Variants in SERPINI1 observed in about 807,000 individuals in gnomAD.
SERPINI1 encodes neuroserpin.
A neutral mutation model predicts 41.1 loss-of-function variants in SERPINI1; 19 were observed. The ratio of observed to expected loss-of-function variants is 0.46; its 90% CI spans 0.32 to 0.68. SERPINI1 has a LOEUF of 0.68. Among genes scored for constraint, SERPINI1 ranks in the 30% least tolerant of loss-of-function variants. The pLI, the probability that SERPINI1 is intolerant of heterozygous loss-of-function variation, is 0.03. For synonymous variants in SERPINI1, 138 were observed against 156.6 expected, an observed-to-expected ratio of 0.88 and a Z score of 0.89; for missense variants, 460 against 479.2, an observed-to-expected ratio of 0.96 and a Z score of 0.37.
intron 1 of SERPINI1, among the ~76,000 whole-genome samples, chr3:167,775,635 G>T (rs983896327): frequency 1.2e-4 from 19 of 152,210 alleles, no homozygotes; most frequent in Non-Finnish European, 8.8e-5. Context: ...ATTAGAAACT[G>T]TAATATGTTT....
intron 1 of SERPINI1, among the ~76,000 whole-genome samples, chr3:167,764,260 C>T (rs1045141565): frequency 2.2e-4 from 33 of 152,102 alleles, no homozygotes; most frequent in African/African-American, 3.9e-4. Flanking sequence ...TCTATTTTCA[C>T]GCTGCTGATC....
At chr3:167,749,008 C>T (rs1453220942) in intron 1 of SERPINI1, among the ~76,000 whole-genome samples, 5 of 152,000 alleles carry the variant, frequency 3.3e-5, no homozygotes, top group Non-Finnish European at 7.4e-5. Context: ...CAAAATGTAA[C>T]CGTTGTAAAT....
intron 1 of SERPINI1, among the ~76,000 whole-genome samples, chr3:167,741,779 TG>T (rs1725683945): frequency 6.6e-6 from 1 of 152,246 alleles, no homozygotes; most frequent in Non-Finnish European, 1.5e-5. Context: ...TGCTTACAGA[TG>T]TTAAATCCCT....
intron 5 of SERPINI1, among the ~76,000 whole-genome samples, chr3:167,795,505 C>T (rs948013913): frequency 2.6e-5 from 4 of 152,150 alleles, no homozygotes; most frequent in Admixed American, 2.6e-4. Flanking sequence ...TGAATCTCCA[C>T]TTATGTTCTT....
chr3:167,818,021 G>C (rs1052767101), intron 6 of SERPINI1, among the ~76,000 whole-genome samples: 4 of 151,670 alleles, frequency 2.6e-5, no homozygotes, highest in African/African-American at 9.7e-5. Flanking sequence ...TATTTTGGTT[G>C]TTTGTTTGTT....
intron 5 of SERPINI1, among the ~76,000 whole-genome samples, chr3:167,795,356 C>T (rs1257654963): frequency 2.0e-5 from 3 of 152,166 alleles, no homozygotes; most frequent in African/African-American, 7.2e-5. Flanking sequence ...GAATAAGATG[C>T]ACACAATGCC....
intron 6 of SERPINI1, among the ~76,000 whole-genome samples, chr3:167,816,552 A>G (rs771348376): frequency 1.4e-4 from 22 of 152,186 alleles, no homozygotes; most frequent in Non-Finnish European, 2.9e-4. Context: ...AACTCCCTCT[A>G]CTAGGGTTAG....
At chr3:167,747,509 C>G (rs1247282405) in intron 1 of SERPINI1, among the ~76,000 whole-genome samples, 1 of 152,084 alleles carries the variant, frequency 6.6e-6, no homozygotes, top group Admixed American at 6.6e-5. Context: ...CTGGGCGTGG[C>G]AGCGGGCGCC....
At chr3:167,741,341 A>AT (rs1725671602) in intron 1 of SERPINI1, among the ~76,000 whole-genome samples, 1 of 152,200 alleles carries the variant, frequency 6.6e-6, no homozygotes, top group Non-Finnish European at 1.5e-5. Context: ...AGTAGCTCAA[A>AT]TGTCACACAG....
intron 1 of SERPINI1, among the ~76,000 whole-genome samples, chr3:167,763,711 T>C (rs1209287623): frequency 6.6e-6 from 1 of 152,114 alleles, no homozygotes; most frequent in Admixed American, 6.6e-5. Context: ...TACAGGCAAC[T>C]GAGGTCAATA....
At chr3:167,793,596 A>ATATATATATATATATATTTT in intron 4 of SERPINI1, among the ~76,000 whole-genome samples, 1 of 140,610 alleles carries the variant, frequency 7.1e-6, no homozygotes, top group African/African-American at 2.7e-5. Flanking sequence ...ATATATATAT[A>ATATATATATATATATATTTT]TTTTTAATTA....
In SERPINI1 at chr3:167,772,839, T is replaced by A. The variant is rs1156804283; in HGVS notation, c.-18-16272T>A. On this transcript the variant is annotated intron_variant, in intron 1 of 8. Transcript: ENST00000446050. The stretch of plus-strand genomic sequence containing the variant: ...TATCTTGAGACTCTCTCTCTCTCTC[T>A]CTCTCTCTCTCTCTCTCTCTCTCTC... 8.6e-3 allele frequency among the ~76,000 whole-genome samples: 175 copies of A among 20,282 alleles called. 2 individuals are homozygous for A. The highest frequency in any genetic ancestry group is 0.023 in the African/African-American group (118 of 5,184). 13.3% of individuals were successfully genotyped at this position (20,282 alleles called of 152,430 possible).
At chr3:167,761,053 A>G (rs1253514412) in intron 1 of SERPINI1, among the ~76,000 whole-genome samples, 2 of 152,292 alleles carry the variant, frequency 1.3e-5, no homozygotes, top group East Asian at 3.9e-4. Context: ...TAACCTAGAG[A>G]GGGAGAAAAC....
chr3:167,824,404 G>T (rs530259840), intron 7 of SERPINI1, 69 bp from the exon 8 acceptor site: 3 of 1,201,244 alleles, frequency 2.5e-6, no homozygotes, highest in Non-Finnish European at 3.7e-6. Flanking sequence ...GGCATAGATG[G>T]TTTTGAGGAA....
chr3:167,794,896 A>T (rs1281012870), intron 5 of SERPINI1, 72 bp downstream of exon 5: 1 of 1,155,356 alleles, frequency 8.7e-7, no homozygotes, highest in Non-Finnish European at 1.3e-6. Flanking sequence ...ACCCAGAAAA[A>T]CTCTTCGAAC....
At chr3:167,752,755 T>G (rs1272633406) in intron 1 of SERPINI1, among the ~76,000 whole-genome samples, 1 of 152,056 alleles carries the variant, frequency 6.6e-6, no homozygotes, top group Non-Finnish European at 1.5e-5. Context: ...TCTTTTCCTT[T>G]GTTCATTGTA....
chr3:167,785,402 C>G (rs1026538980), intron 1 of SERPINI1, among the ~76,000 whole-genome samples: 1 of 152,210 alleles, frequency 6.6e-6, no homozygotes, highest in African/African-American at 2.4e-5. Flanking sequence ...TTGGGACTTA[C>G]ATCCAAGTCT....
chr3:167,761,989 C>A (rs989698096), intron 1 of SERPINI1, among the ~76,000 whole-genome samples: 3 of 152,162 alleles, frequency 2.0e-5, no homozygotes, highest in Admixed American at 2.0e-4. Context: ...TAGTATGGTA[C>A]TTTCCCTATA....
chr3:167,761,503 A>C (rs1726379527), intron 1 of SERPINI1, among the ~76,000 whole-genome samples: 1 of 152,216 alleles, frequency 6.6e-6, no homozygotes, highest in South Asian at 2.1e-4. Context: ...GTGTAGGCTC[A>C]TTCTACCTTA....
Sources: gnomAD v4.1 joint callset for allele counts (sites outside exome capture counted in the v4.1 genomes callset) on GRCh38, gnomAD v4.1.1 for gene constraint, MANE v1.5 for transcripts, NCBI Gene and HGNC (gene_info 2026-07-23, HGNC 2026-07-21) for gene names.